Variants in AKAP6 observed in about 807,000 individuals in gnomAD.
AKAP6 encodes the protein A-kinase anchoring protein 6, also known as A-kinase anchor protein 6.
AKAP6 carries 58 observed loss-of-function variants against 188.5 expected under a neutral mutation model. The ratio of observed to expected loss-of-function variants is 0.31; its 90% CI spans 0.25 to 0.38. The LOEUF is 0.38. Among genes scored for constraint, AKAP6 ranks in the 10% least tolerant of loss-of-function variants. The pLI is 1.00. For synonymous variants in AKAP6, 989 were observed against 998.6 expected, an observed-to-expected ratio of 0.99 and a Z score of 0.18; for missense variants, 2,710 against 2,740.0, an observed-to-expected ratio of 0.99 and a Z score of 0.24.
intron 7 of AKAP6, among the ~76,000 whole-genome samples, chr14:32,644,589 A>G (rs563705170): frequency 1.3e-5 from 2 of 152,252 alleles, no homozygotes; most frequent in East Asian, 1.9e-4. Context: ...CTAGTTTGCT[A>G]TAAAGTTGCA....
At chr14:32,417,666 A>T (rs1000483874) in intron 1 of AKAP6, 2 of 152,206 alleles carry the variant, frequency 1.3e-5, no homozygotes, top group African/African-American at 4.8e-5. Flanking sequence ...TGTCAGGCCG[A>T]TATACTCCTC....
At chr14:32,526,429 C>T (rs1403395146) in intron 2 of AKAP6, among the ~76,000 whole-genome samples, 2 of 152,132 alleles carry the variant, frequency 1.3e-5, no homozygotes, top group South Asian at 2.1e-4. Context: ...GATGCAGTTT[C>T]ACCACATTGC....
chr14:32,672,401 G>A (rs754082468), intron 7 of AKAP6, among the ~76,000 whole-genome samples: 2 of 152,190 alleles, frequency 1.3e-5, no homozygotes, highest in Non-Finnish European at 2.9e-5. Flanking sequence ...AGTTCTGGAG[G>A]CTGGAAGTCC....
chr14:32,728,363 TATC>T (rs760734525), intron 9 of AKAP6, among the ~76,000 whole-genome samples: 7,201 of 150,788 alleles, frequency 0.048, 484 homozygotes, highest in East Asian at 0.35. Flanking sequence ...TCTATCTATC[TATC>T]TATCTATCTA....
At chr14:32,618,344 G>C (rs568726293) in intron 7 of AKAP6, among the ~76,000 whole-genome samples, 1 of 152,036 alleles carries the variant, frequency 6.6e-6, no homozygotes, top group East Asian at 1.9e-4. Context: ...CTTCTCCTTC[G>C]TCCTACCCTC....
chr14:32,694,360 CA>C (rs763520135), intron 8 of AKAP6, among the ~76,000 whole-genome samples: 8 of 93,506 alleles, frequency 8.6e-5, no homozygotes, highest in East Asian at 2.9e-4. Flanking sequence ...GACTCCGTCT[CA>C]AAAAAAAAAA....
chr14:32,821,981 C>G lies in AKAP6; in HGVS notation c.4168C>G (p.Pro1390Ala). ...MCLLNAVDGS[P>A]SNLETEHLDP... ...CTTGCTCAATGCAGTGGATGGGTCCCCAAGTAACCTTGAAACTGAACATCT... is the reference window on the plus strand; with the variant it reads ...CTTGCTCAATGCAGTGGATGGGTCCGCAAGTAACCTTGAAACTGAACATCT... The change falls in exon 13 of 14, where the codon CCA becomes GCA. Residue 1390 changes from proline to alanine, a missense_variant. This residue lies in a region of AKAP6 where 2,473 missense variants were observed against 2,426.1 expected (regional missense o/e 1.02). Coordinates refer to ENST00000280979, the MANE Select transcript of AKAP6 (RefSeq NM_004274.5). 6.2e-7 allele frequency: 1 copy of G among 1,613,846 alleles called. No homozygotes were observed. The highest frequency in any genetic ancestry group is 8.5e-7 in the Non-Finnish European group (1 of 1,179,932).
intron 13 of AKAP6, among the ~76,000 whole-genome samples, chr14:32,828,749 A>C (rs2034748079): frequency 6.6e-6 from 1 of 152,208 alleles, no homozygotes; most frequent in Non-Finnish European, 1.5e-5. Flanking sequence ...TGTCCTCAGC[A>C]TTTGAACAAT....
intron 9 of AKAP6, among the ~76,000 whole-genome samples, chr14:32,726,562 A>G (rs1309155113): frequency 6.6e-6 from 1 of 152,264 alleles, no homozygotes; most frequent in Non-Finnish European, 1.5e-5. Context: ...TGAAGAGATC[A>G]TTTTGGTATT....
rs997367845 is a variant in AKAP6 at position 32,833,153 on chromosome 14, C to A, written c.*3348C>A. 6.6e-6 allele frequency: 1 copy of A among 152,156 alleles called. No homozygotes were observed. Among genetic ancestry groups the A allele is most frequent in the Admixed American group, 6.5e-5 (1 of 15,282 alleles). 9.4% of individuals were successfully genotyped at this position (152,156 alleles called of 1,614,324 possible). On this transcript the variant is annotated 3_prime_UTR_variant, in exon 14 of 14. Coordinates refer to ENST00000280979, the MANE Select transcript of AKAP6 (RefSeq NM_004274.5). Reference sequence around the variant, plus strand: ...AAACCTAACCTGTTTCCAAGTAGGGCACTCCCTCCGCTTATTTATTCATTT... The same window carrying A: ...AAACCTAACCTGTTTCCAAGTAGGGAACTCCCTCCGCTTATTTATTCATTT...
At chr14:32,527,922 T>A (rs1049841265) in intron 2 of AKAP6, among the ~76,000 whole-genome samples, 1 of 152,214 alleles carries the variant, frequency 6.6e-6, no homozygotes, top group Non-Finnish European at 1.5e-5. Context: ...TTTAATGATG[T>A]CTTTCACAGA....
chr14:32,480,794 G>T (rs1360649186), intron 2 of AKAP6, among the ~76,000 whole-genome samples: 1 of 152,032 alleles, frequency 6.6e-6, no homozygotes, highest in Non-Finnish European at 1.5e-5. Context: ...CTTCATTTCT[G>T]CCCACTCAAG....
chr14:32,548,700 G>A (rs1883318950), intron 4 of AKAP6, among the ~76,000 whole-genome samples: 1 of 152,154 alleles, frequency 6.6e-6, no homozygotes, highest in Admixed American at 6.5e-5. Flanking sequence ...CTTTTGTGTA[G>A]GAAGCTGAGA....
chr14:32,583,534 A>G (rs1468012260), intron 5 of AKAP6, among the ~76,000 whole-genome samples: 1 of 152,138 alleles, frequency 6.6e-6, no homozygotes, highest in Non-Finnish European at 1.5e-5. Context: ...AAGTCTGCAG[A>G]GGTTACTGCT....
At chr14:32,539,477 G>A (rs1183473741) in intron 3 of AKAP6, among the ~76,000 whole-genome samples, 1 of 152,088 alleles carries the variant, frequency 6.6e-6, no homozygotes, top group African/African-American at 2.4e-5. Context: ...ATATTCATCT[G>A]TGTATCTCCC....
At position 32,413,175 on chromosome 14, in the gene AKAP6, ATTT is replaced by A. The variant is rs10577801; in HGVS notation, c.-34-20262_-34-20260del. ...GGACAAAAAGAAAGTATTTATTGAA[ATTT>A]TTTTTTTTTTTTTTTTTTTTTTAGA... On this transcript the variant is annotated intron_variant, in intron 1 of 13. Transcript: ENST00000280979. Among the ~76,000 whole-genome samples, 349 of 60,450 alleles carry A rather than the reference ATTT, an allele frequency of 5.8e-3. 4 individuals are homozygous for A. The highest frequency in any genetic ancestry group is 0.014 in the African/African-American group (315 of 22,272). The allele number at this position is 60,450 out of a possible 152,430, so 39.7% of individuals were successfully genotyped here.
intron 2 of AKAP6, among the ~76,000 whole-genome samples, chr14:32,510,124 C>T (rs1329196551): frequency 2.0e-5 from 3 of 151,884 alleles, no homozygotes; most frequent in African/African-American, 7.3e-5. Flanking sequence ...GCACCAGATT[C>T]CAGGGCTCTT....
At chr14:32,482,274 C>A (rs1879391563) in intron 2 of AKAP6, among the ~76,000 whole-genome samples, 1 of 152,184 alleles carries the variant, frequency 6.6e-6, no homozygotes, top group Non-Finnish European at 1.5e-5. Context: ...CCCTCTCTTC[C>A]CACTGCCAAC....
chr14:32,595,127 C>G (rs564677769), intron 5 of AKAP6, among the ~76,000 whole-genome samples: 1 of 152,270 alleles, frequency 6.6e-6, no homozygotes, highest in Admixed American at 6.5e-5. Flanking sequence ...ACAGCAGCTT[C>G]CTAAATGGCT....
Sources: gnomAD v4.1 joint callset for allele counts (sites outside exome capture counted in the v4.1 genomes callset) on GRCh38, gnomAD v4.1.1 for gene constraint, gnomAD v4.1.1 regional missense constraint, MANE v1.5 for transcripts, NCBI Gene and HGNC (gene_info 2026-07-23, HGNC 2026-07-21) for gene names.